The following SIPA1L1 variants were observed in gnomAD, a reference collection of about 807,000 sequenced individuals.
The protein encoded by SIPA1L1 is signal-induced proliferation-associated 1-like protein 1.
SIPA1L1 carries 26 observed loss-of-function variants against 162.7 expected under a neutral mutation model. The ratio of observed to expected loss-of-function variants is 0.16; its 90% CI spans 0.12 to 0.22. The LOEUF is 0.22. Ranked by LOEUF, SIPA1L1 falls within the 10% of genes least tolerant of loss-of-function variation. The probability of loss-of-function intolerance (pLI) is 1.00; values close to 1 mark genes in which losing one functional copy is unlikely to be tolerated. For missense variants in SIPA1L1, 1,874 were observed against 2,241.0 expected (o/e 0.84, Z 3.31); for synonymous variants, 829 against 837.4 (o/e 0.99, Z 0.17).
intron 2 of SIPA1L1, among the ~76,000 whole-genome samples, chr14:71,380,886 T>C (rs1350189404): frequency 6.6e-6 from 1 of 152,194 alleles, no homozygotes; most frequent in African/African-American, 2.4e-5. Flanking sequence ...AACACTTATA[T>C]GCTGCCCATG....
chr14:71,456,329 C>CT (rs2046186271), intron 2 of SIPA1L1, among the ~76,000 whole-genome samples: 2 of 152,198 alleles, frequency 1.3e-5, no homozygotes, highest in African/African-American at 4.8e-5. Context: ...GTTTGAAAAG[C>CT]TTGCAATAAA....
intron 2 of SIPA1L1, among the ~76,000 whole-genome samples, chr14:71,446,312 G>A (rs536731246): frequency 6.6e-6 from 1 of 152,132 alleles, no homozygotes; most frequent in South Asian, 2.1e-4. Flanking sequence ...CTATGCATAT[G>A]TATTTTCTAA....
Position 71,702,437 on chromosome 14 carries a change from A to G in SIPA1L1, c.3578A>G (p.Asp1193Gly). 1 of 1,614,180 alleles carries G rather than the reference A, an allele frequency of 6.2e-7. No individual in the cohort carries two copies. The highest frequency in any genetic ancestry group is 1.3e-5 in the African/African-American group (1 of 75,060). Reference protein sequence around the residue: ...ASIDRQNTQSDIGGSGKSTPS... With the variant: ...ASIDRQNTQSGIGGSGKSTPS... The stretch of plus-strand genomic sequence containing the variant: ...ATTGACAGGCAGAACACCCAGTCAG[A>G]TATTGGTGGCAGCGGAAAATCCACG... The change falls in exon 15 of 24, where the codon GAT becomes GGT. Residue 1193 changes from aspartate to glycine, a missense_variant. Around this residue, in one of 5 missense-constraint regions of SIPA1L1, gnomAD observed 936 missense variants for 1,051.9 expected, o/e 0.89. Transcript: ENST00000381232.
chr14:71,406,277 A>G (rs2042020387), intron 2 of SIPA1L1, among the ~76,000 whole-genome samples: 1 of 152,240 alleles, frequency 6.6e-6, no homozygotes, highest in African/African-American at 2.4e-5. Context: ...GATATGCTGT[A>G]TATATTGCAA....
chr14:71,618,474 T>C (rs147701048), intron 5 of SIPA1L1, among the ~76,000 whole-genome samples: 208 of 152,238 alleles, frequency 1.4e-3, no homozygotes, highest in Non-Finnish European at 2.5e-3. Flanking sequence ...TGGTGGGAGA[T>C]AGGGAGAAAA....
intron 3 of SIPA1L1, among the ~76,000 whole-genome samples, chr14:71,513,870 A>G (rs944517292): frequency 6.6e-6 from 1 of 152,198 alleles, no homozygotes; most frequent in African/African-American, 2.4e-5. Flanking sequence ...TCTGTAGGTC[A>G]GGCTAGAAAC....
intron 22 of SIPA1L1, 162 bp downstream of exon 22, chr14:71,735,553 T>C (rs1454550008): frequency 5.6e-6 from 3 of 538,406 alleles, no homozygotes; most frequent in African/African-American, 3.8e-5. Context: ...TGTAACTGAA[T>C]ACTGTAGACA....
chr14:71,355,886 T>G (rs1009771302), intron 2 of SIPA1L1, among the ~76,000 whole-genome samples: 1 of 152,056 alleles, frequency 6.6e-6, no homozygotes, highest in African/African-American at 2.4e-5. Context: ...TGGTTGGGGT[T>G]TTTTGTTACA....
At chr14:71,374,387 C>T (rs117592296) in intron 2 of SIPA1L1, among the ~76,000 whole-genome samples, 2 of 151,806 alleles carry the variant, frequency 1.3e-5, no homozygotes, top group South Asian at 2.1e-4. Flanking sequence ...TTGGAGAAAT[C>T]GTATTCAGTT....
rs1187790658 is a variant in SIPA1L1 at position 71,730,197 on chromosome 14, A to G, written c.4757A>G (p.Gln1586Arg). 1 of 1,614,178 alleles carries G rather than the reference A, an allele frequency of 6.2e-7. No individual in the cohort carries two copies. The highest frequency in any genetic ancestry group is 8.5e-7 in the Non-Finnish European group (1 of 1,180,042). The change falls in exon 20 of 24, where the codon CAA becomes CGA. Residue 1586 changes from glutamine to arginine, a missense_variant. Around this residue, in one of 5 missense-constraint regions of SIPA1L1, gnomAD observed 936 missense variants for 1,051.9 expected, o/e 0.89. Transcript: ENST00000381232. ...FFTSRASLLD[Q>R]ALPNDVLFSS... Reference sequence around the variant, plus strand: ...ACCTCCAGGGCGTCACTTCTGGACCAAGCCCTGCCCAACGACGTCCTCTTC... The same window carrying G: ...ACCTCCAGGGCGTCACTTCTGGACCGAGCCCTGCCCAACGACGTCCTCTTC...
intron 2 of SIPA1L1, among the ~76,000 whole-genome samples, chr14:71,425,002 T>C (rs2043458470): frequency 6.6e-6 from 1 of 152,104 alleles, no homozygotes; most frequent in African/African-American, 2.4e-5. Flanking sequence ...ATTTTGTATT[T>C]CTAGGAATCC....
At chr14:71,339,081 T>C (rs1252976513) in intron 2 of SIPA1L1, among the ~76,000 whole-genome samples, 3 of 152,158 alleles carry the variant, frequency 2.0e-5, no homozygotes, top group Admixed American at 1.3e-4. Flanking sequence ...TATATGGCAA[T>C]ATAAAGTTTT....
chr14:71,576,785 A>G (rs891627516), intron 4 of SIPA1L1, among the ~76,000 whole-genome samples: 3 of 152,172 alleles, frequency 2.0e-5, no homozygotes, highest in African/African-American at 7.2e-5. Flanking sequence ...CCAGGCCTAA[A>G]TAAGAAAATA....
At chr14:71,730,413 G>A in intron 20 of SIPA1L1, 112 bp downstream of exon 20, 3 of 1,247,720 alleles carry the variant, frequency 2.4e-6, no homozygotes, top group South Asian at 1.4e-5. Flanking sequence ...ATGCTCAGAT[G>A]GTCTCAGCTC....
intron 22 of SIPA1L1, among the ~76,000 whole-genome samples, chr14:71,736,701 G>T (rs544590134): frequency 2.0e-5 from 3 of 152,290 alleles, no homozygotes; most frequent in Non-Finnish European, 4.4e-5. Flanking sequence ...CCAGAAGCAA[G>T]CCCCAAATGT....
chr14:71,320,687 G>A (rs1158732388), intron 1 of SIPA1L1, 184 bp downstream of exon 1: 1 of 120,642 alleles, frequency 8.3e-6, no homozygotes, highest in Admixed American at 1.0e-4. Flanking sequence ...TCCCCCATGC[G>A]GTACGCACCT....
chr14:71,524,502 C>G (rs2052668985), intron 3 of SIPA1L1, among the ~76,000 whole-genome samples: 1 of 152,220 alleles, frequency 6.6e-6, no homozygotes, highest in African/African-American at 2.4e-5. Context: ...ACTTCATTCT[C>G]ATTCTCCATT....
chr14:71,359,015 T>C (rs545576791), intron 2 of SIPA1L1, among the ~76,000 whole-genome samples: 1 of 152,158 alleles, frequency 6.6e-6, no homozygotes, highest in African/African-American at 2.4e-5. Context: ...GGGACACAGA[T>C]CTAAACCATA....
chr14:71,688,486 T>G (rs2081029692), intron 13 of SIPA1L1, among the ~76,000 whole-genome samples: 3 of 152,236 alleles, frequency 2.0e-5, no homozygotes. Flanking sequence ...AAATACTTCC[T>G]CAGTCCTTCT....
Sources: gnomAD v4.1 joint callset for allele counts (sites outside exome capture counted in the v4.1 genomes callset) on GRCh38, gnomAD v4.1.1 for gene constraint, gnomAD v4.1.1 regional missense constraint, MANE v1.5 for transcripts, NCBI Gene and HGNC (gene_info 2026-07-23, HGNC 2026-07-21) for gene names.